Variants in DNAJB6 observed in about 807,000 individuals in gnomAD.
DNAJB6 encodes DnaJ heat shock protein family (Hsp40) member B6.
In DNAJB6, 16 loss-of-function variants were observed where a neutral mutation model predicts 42.7. That is an observed-to-expected ratio of 0.37 (90% CI 0.25 to 0.57). The LOEUF is 0.57. Ranked by LOEUF, DNAJB6 falls within the 20% of genes least tolerant of loss-of-function variation. The pLI is 0.74. For synonymous variants in DNAJB6, 170 were observed against 163.5 expected, an observed-to-expected ratio of 1.04 and a Z score of -0.30; for missense variants, 347 against 416.8, an observed-to-expected ratio of 0.83 and a Z score of 1.46.
chr7:157,358,515 C>G (rs1799420526), intron 1 of DNAJB6, 32 bp from the exon 2 acceptor site: 1 of 1,446,104 alleles, frequency 6.9e-7, no homozygotes, highest in African/African-American at 1.4e-5. Context: ...TCCCCAGCAG[C>G]CTCATCACTG....
At chr7:157,360,462 A>G (rs530027216) in intron 2 of DNAJB6, among the ~76,000 whole-genome samples, 83 of 152,356 alleles carry the variant, frequency 5.4e-4, no homozygotes, top group African/African-American at 1.9e-3. Context: ...ATATGTGTAC[A>G]GTGCTTTCAG....
At chr7:157,340,500 C>G (rs1223085272) in intron 1 of DNAJB6, among the ~76,000 whole-genome samples, 2 of 151,506 alleles carry the variant, frequency 1.3e-5, no homozygotes, top group Non-Finnish European at 2.9e-5. Flanking sequence ...AACGACAACG[C>G]CTACCTGCAG....
At chr7:157,409,564 A>C (rs1795895216) in intron 8 of DNAJB6, among the ~76,000 whole-genome samples, 1 of 152,176 alleles carries the variant, frequency 6.6e-6, no homozygotes, top group South Asian at 2.1e-4. Flanking sequence ...CGCTTCTTCC[A>C]GGAGAGAGAG....
intron 1 of DNAJB6, among the ~76,000 whole-genome samples, chr7:157,352,608 C>T (rs989338355): frequency 1.3e-5 from 2 of 152,000 alleles, no homozygotes; most frequent in African/African-American, 2.4e-5. Flanking sequence ...GTCTGTGTGC[C>T]CATCGCTCCT....
At chr7:157,401,752 TTAGA>T (rs1218714008) in intron 8 of DNAJB6, among the ~76,000 whole-genome samples, 12 of 152,098 alleles carry the variant, frequency 7.9e-5, no homozygotes, top group Admixed American at 3.9e-4. Context: ...TTCCCGCCTA[TTAGA>T]TAGAAACAGA....
intron 8 of DNAJB6, among the ~76,000 whole-genome samples, chr7:157,402,534 A>C (rs913282817): frequency 6.6e-6 from 1 of 152,174 alleles, no homozygotes; most frequent in Admixed American, 6.5e-5. Context: ...CATGGTGTCC[A>C]TCTCCATTCA....
chr7:157,375,508 T>C (rs1800426587), intron 5 of DNAJB6, among the ~76,000 whole-genome samples: 1 of 152,212 alleles, frequency 6.6e-6, no homozygotes, highest in South Asian at 2.1e-4. Context: ...AAAACAATTA[T>C]ATGGGAAGCT....
intron 1 of DNAJB6, among the ~76,000 whole-genome samples, chr7:157,353,307 T>G (rs566831765): frequency 5.9e-5 from 9 of 152,210 alleles, no homozygotes; most frequent in Admixed American, 2.0e-4. Context: ...AGTTTTAGAT[T>G]TACAGAAAAG....
chr7:157,357,369 T>C (rs189242843), intron 1 of DNAJB6, among the ~76,000 whole-genome samples: 1 of 145,788 alleles, frequency 6.9e-6, no homozygotes, highest in Non-Finnish European at 1.5e-5. Flanking sequence ...GGCTGGAGTC[T>C]GGTGGCACGA....
At chr7:157,380,196 GTTTC>G (rs1800684711) in intron 5 of DNAJB6, 1 of 152,162 alleles carries the variant, frequency 6.6e-6, no homozygotes, top group South Asian at 2.1e-4. Flanking sequence ...TGTAATGTTT[GTTTC>G]TTTACCTGGG....
Position 157,365,964 on chromosome 7 carries a change from A to G in DNAJB6, c.176-538A>G, listed in dbSNP as rs1584904278. On this transcript the variant is annotated intron_variant, in intron 3 of 9. Transcript: ENST00000262177. The stretch of plus-strand genomic sequence containing the variant: ...CAGGTATGAGCTACCTCGCGTGGCT[A>G]AGTCCCCCCCGCGCCTACTCTTGTT... 2.9e-5 allele frequency among the ~76,000 whole-genome samples: 3 copies of G among 104,570 alleles called. 1 individual carries two copies. In the East Asian group the frequency reaches 1.2e-3, roughly 41 times the overall value. 68.6% of individuals were successfully genotyped at this position (104,570 alleles called of 152,430 possible). A position where few individuals can be genotyped will look rare whatever the true frequency, so the allele number is the denominator to read the frequency against.
chr7:157,355,757 T>C (rs1799240869), intron 1 of DNAJB6, among the ~76,000 whole-genome samples: 1 of 152,150 alleles, frequency 6.6e-6, no homozygotes, highest in Non-Finnish European at 1.5e-5. Flanking sequence ...GCTTTCCTTG[T>C]AGGGTAGCCT....
chr7:157,393,501 G>A (rs1801444955), intron 8 of DNAJB6, among the ~76,000 whole-genome samples: 1 of 152,042 alleles, frequency 6.6e-6, no homozygotes, highest in African/African-American at 2.4e-5. Context: ...GGGTTCTCTT[G>A]TACCTTGATT....
intron 1 of DNAJB6, chr7:157,337,920 G>A (rs1798135428): frequency 2.8e-5 from 2 of 70,890 alleles, no homozygotes; most frequent in Admixed American, 1.3e-4. Flanking sequence ...GTAAACTTCT[G>A]TGCTAACTTC....
intron 8 of DNAJB6, among the ~76,000 whole-genome samples, chr7:157,402,002 C>T (rs750589360): frequency 4.6e-5 from 7 of 152,328 alleles, no homozygotes; most frequent in African/African-American, 1.7e-4. Context: ...GGGCTCCTTC[C>T]CCTGCGGTCG....
At chr7:157,337,484 GC>G (rs1798104795) in intron 1 of DNAJB6, 1 of 151,570 alleles carries the variant, frequency 6.6e-6, no homozygotes, top group Non-Finnish European at 1.5e-5. Context: ...CTCGGCTGGG[GC>G]TCGGCGGGGC....
chr7:157,348,750 A>G (rs1798817597), intron 1 of DNAJB6, among the ~76,000 whole-genome samples: 1 of 152,076 alleles, frequency 6.6e-6, no homozygotes, highest in Non-Finnish European at 1.5e-5. Flanking sequence ...AAAATTCTTC[A>G]GTTGCGCCCT....
intron 1 of DNAJB6, among the ~76,000 whole-genome samples, chr7:157,349,518 G>A (rs115068140): frequency 6.6e-6 from 1 of 151,740 alleles, no homozygotes; most frequent in Admixed American, 6.6e-5. Context: ...AGTCTTGCTC[G>A]GTCACCCAGG....
chr7:157,403,044 T>G (rs1795592904), intron 8 of DNAJB6, among the ~76,000 whole-genome samples: 1 of 151,910 alleles, frequency 6.6e-6, no homozygotes, highest in South Asian at 2.1e-4. Flanking sequence ...CTTGGTTTTA[T>G]GCATCTCAGG....
Sources: gnomAD v4.1 joint callset for allele counts (sites outside exome capture counted in the v4.1 genomes callset) on GRCh38, gnomAD v4.1.1 for gene constraint, MANE v1.5 for transcripts, NCBI Gene and HGNC (gene_info 2026-07-23, HGNC 2026-07-21) for gene names.